The following HLTF variants were observed in gnomAD, a reference collection of about 807,000 sequenced individuals.
The protein encoded by HLTF is helicase like transcription factor, also known as DNA-dependent ATPase/E3 ubiquitin-protein ligase HLTF.
A neutral mutation model predicts 129.4 loss-of-function variants in HLTF; 127 were observed. The ratio of observed to expected loss-of-function variants is 0.98; its 90% confidence interval spans 0.85 to 1.14. The LOEUF (loss-of-function observed/expected upper bound fraction) is 1.14. Ranked by LOEUF, HLTF falls within the 50% of genes most tolerant of loss-of-function variation. The pLI is 0.00. For synonymous variants in HLTF, 332 were observed against 388.8 expected, an observed-to-expected ratio of 0.85 and a Z score of 1.72; for missense variants, 1,139 against 1,187.1, an observed-to-expected ratio of 0.96 and a Z score of 0.60.
In HLTF at chr3:149,060,844, A is replaced by G. The variant is rs1717879473; in HGVS notation, c.1175T>C (p.Val392Ala). The G allele has an allele frequency of 6.2e-7, 1 of 1,611,268 alleles. No homozygotes were observed. The highest frequency in any genetic ancestry group is 2.2e-5 in the East Asian group (1 of 44,788). ...TGAATCACTGCTTTCTATGTACTGG[A>G]CAGCAGTTTTTCTTCTAAAATTAAG... is the stretch of plus-strand genomic sequence containing the variant. ...SSRPKRRKTA[V>A]QYIESSDSEE... The change falls in exon 11 of 25, where the codon GTC (valine) becomes GCC (alanine). Residue 392 changes from valine to alanine, a missense_variant. Transcript: ENST00000310053.
chr3:149,069,517 A>C (rs1480979200), intron 7 of HLTF, among the ~76,000 whole-genome samples: 1 of 152,106 alleles, frequency 6.6e-6, no homozygotes, highest in Non-Finnish European at 1.5e-5. Flanking sequence ...GAAGCAGTAC[A>C]CATTAATTTT....
chr3:149,036,442 C>A (rs1715639460), intron 23 of HLTF, among the ~76,000 whole-genome samples: 1 of 151,794 alleles, frequency 6.6e-6, no homozygotes, highest in Admixed American at 6.6e-5. Flanking sequence ...GCGCTTGCCA[C>A]CATGCCCCGC....
At chr3:149,045,751 C>T (rs1716496807) in intron 18 of HLTF, among the ~76,000 whole-genome samples, 2 of 152,152 alleles carry the variant, frequency 1.3e-5, no homozygotes, top group Admixed American at 6.5e-5. Flanking sequence ...CCTTAATCTT[C>T]TTGTTAAACC....
Position 149,039,560 on chromosome 3 carries a change from GA to G in HLTF, c.2615+20del. ...TATATAAAATCCTTTTACTGAAAGT[GA>G]AAAACACTGTGGAACTTACTTAAGT... On this transcript the variant is annotated intron_variant, in intron 22 of 24. Coordinates refer to ENST00000310053, the MANE Select transcript of HLTF (RefSeq NM_003071.4). 1 of 1,147,838 alleles carries G rather than the reference GA, an allele frequency of 8.7e-7. No individual in the cohort carries two copies. Among genetic ancestry groups the G allele is most frequent in the Non-Finnish European group, 1.3e-6 (1 of 787,588 alleles). The allele number at this position is 1,147,838 out of a possible 1,614,324, so 71.1% of individuals were successfully genotyped here. A position where few individuals can be genotyped will look rare whatever the true frequency, so the allele number is the denominator to read the frequency against.
chr3:149,053,438 C>A (rs1370407822), intron 14 of HLTF, among the ~76,000 whole-genome samples: 1 of 152,190 alleles, frequency 6.6e-6, no homozygotes, highest in African/African-American at 2.4e-5. Context: ...CAATGTGATG[C>A]TGGGTCCCCA....
chr3:149,054,393 G>A (rs1233360786), intron 14 of HLTF, among the ~76,000 whole-genome samples: 1 of 152,096 alleles, frequency 6.6e-6, no homozygotes, highest in Non-Finnish European at 1.5e-5. Flanking sequence ...AAGAACAGAT[G>A]AGCAATGTGG....
At chr3:149,036,295 A>G (rs1484492407) in intron 23 of HLTF, among the ~76,000 whole-genome samples, 36 of 60,040 alleles carry the variant, frequency 6.0e-4, no homozygotes, top group African/African-American at 1.2e-3. Flanking sequence ...TAAAACTATG[A>G]GGTTTTTTTT....
At position 149,046,498 on chromosome 3, in the gene HLTF, T is replaced by G. The variant is rs111736311; in HGVS notation, c.1893-239A>C. On this transcript the variant is annotated intron_variant, in intron 17 of 24. Transcript: ENST00000310053. The stretch of plus-strand genomic sequence containing the variant: ...CAATACCTAACATAGTTTAATCTTT[T>G]TATATCCTGTCCTTATTTTCGTAAG... Among the ~76,000 whole-genome samples, 1,474 of 152,256 alleles carry G rather than the reference T, an allele frequency of 9.7e-3. 26 individuals are homozygous for G. Among genetic ancestry groups the G allele is most frequent in the African/African-American group, 0.033 (1,372 of 41,562 alleles).
At chr3:149,082,793 T>C (rs1719985920) in intron 2 of HLTF, among the ~76,000 whole-genome samples, 1 of 152,196 alleles carries the variant, frequency 6.6e-6, no homozygotes, top group Non-Finnish European at 1.5e-5. Flanking sequence ...AAGTCCAATA[T>C]AGATGATATT....
chr3:149,074,674 C>G (rs565754638), intron 3 of HLTF, among the ~76,000 whole-genome samples: 26 of 152,138 alleles, frequency 1.7e-4, no homozygotes, highest in African/African-American at 6.3e-4. Flanking sequence ...AACGGAACCA[C>G]TGAGGGTAGT....
intron 15 of HLTF, among the ~76,000 whole-genome samples, chr3:149,049,487 G>A (rs1024200321): frequency 2.0e-5 from 3 of 151,964 alleles, no homozygotes; most frequent in Non-Finnish European, 4.4e-5. Flanking sequence ...TTGAACAATT[G>A]GAATTATAAA....
At chr3:149,080,777 A>G (rs1194631611) in intron 2 of HLTF, among the ~76,000 whole-genome samples, 1 of 152,154 alleles carries the variant, frequency 6.6e-6, no homozygotes, top group Non-Finnish European at 1.5e-5. Flanking sequence ...TGGAGACTAT[A>G]AAAACAAAAA....
At chr3:149,075,813 A>G in intron 3 of HLTF, 68 bp downstream of exon 3, 1 of 1,016,736 alleles carries the variant, frequency 9.8e-7, no homozygotes, top group Non-Finnish European at 1.4e-6. Context: ...CTCTAACAAG[A>G]AGCCCTAACA....
intron 13 of HLTF, among the ~76,000 whole-genome samples, 190 bp from the exon 14 acceptor site, chr3:149,055,590 TGAG>T (rs1717364470): frequency 6.6e-6 from 1 of 152,216 alleles, no homozygotes; most frequent in African/African-American, 2.4e-5. Flanking sequence ...ATAGTGATTA[TGAG>T]AAGAACCAAA....
At chr3:149,071,084 C>T (rs574514163) in intron 7 of HLTF, among the ~76,000 whole-genome samples, 168 bp downstream of exon 7, 2 of 151,694 alleles carry the variant, frequency 1.3e-5, no homozygotes, top group East Asian at 1.9e-4. Flanking sequence ...CATCTTTATA[C>T]CACTATTTTA....
chr3:149,044,470 A>T (rs560068218), intron 18 of HLTF, among the ~76,000 whole-genome samples: 7 of 151,986 alleles, frequency 4.6e-5, no homozygotes, highest in Middle Eastern at 3.4e-3. Context: ...CCTTCCTCCT[A>T]TTTCACCAGC....
At chr3:149,074,587 T>A (rs1489033928) in intron 3 of HLTF, among the ~76,000 whole-genome samples, 1 of 152,118 alleles carries the variant, frequency 6.6e-6, no homozygotes, top group Non-Finnish European at 1.5e-5. Context: ...TAAAGCAGTT[T>A]TAAAAATGCA....
At chr3:149,037,337 C>G (rs1049974330) in intron 23 of HLTF, among the ~76,000 whole-genome samples, 2 of 151,952 alleles carry the variant, frequency 1.3e-5, no homozygotes, top group African/African-American at 4.8e-5. Context: ...CGCGTGGTGG[C>G]AGGTGCCTGT....
At chr3:149,075,376 T>G (rs571220442) in intron 3 of HLTF, among the ~76,000 whole-genome samples, 1 of 152,088 alleles carries the variant, frequency 6.6e-6, no homozygotes, top group Admixed American at 6.6e-5. Flanking sequence ...GGCAAATCTC[T>G]GTCTCTACTA....
Sources: gnomAD v4.1 joint callset for allele counts (sites outside exome capture counted in the v4.1 genomes callset) on GRCh38, gnomAD v4.1.1 for gene constraint, MANE v1.5 for transcripts, NCBI Gene and HGNC (gene_info 2026-07-23, HGNC 2026-07-21) for gene names.